TMEM131L: variants seen among roughly 807,000 people sequenced by gnomAD.
TMEM131L encodes the protein transmembrane protein 131-like.
Under a neutral mutation model 192.2 loss-of-function variants are expected in TMEM131L, and 54 were observed. That is an observed-to-expected ratio of 0.28 (90% CI 0.23 to 0.35). The LOEUF (loss-of-function observed/expected upper bound fraction) is 0.35. TMEM131L is among the 10% of genes least tolerant of loss of function. The pLI is 1.00. For missense variants in TMEM131L, 1,888 were observed against 1,972.9 expected (o/e 0.96, Z 0.82); for synonymous variants, 701 against 704.9 (o/e 0.99, Z 0.09).
At chr4:153,557,135 G>GGT (rs1303021287) in intron 6 of TMEM131L, 53 bp downstream of exon 6, 2 of 790,510 alleles carry the variant, frequency 2.5e-6, no homozygotes, top group African/African-American at 1.7e-5. Flanking sequence ...TAACTGTAGG[G>GGT]GTGTGTGTGT....
intron 7 of TMEM131L, among the ~76,000 whole-genome samples, chr4:153,578,217 A>G (rs1348714550): frequency 1.3e-5 from 2 of 152,130 alleles, no homozygotes; most frequent in African/African-American, 2.4e-5. Flanking sequence ...AGAGCTGGGC[A>G]TGGTAGTGCA....
chr4:153,617,458 CT>C (rs1374442426), intron 26 of TMEM131L, among the ~76,000 whole-genome samples: 1 of 152,202 alleles, frequency 6.6e-6, no homozygotes, highest in Non-Finnish European at 1.5e-5. Context: ...GAGAATGCTA[CT>C]TTCATTCTCC....
Position 153,581,307 on chromosome 4 carries a change from C to T in TMEM131L, c.739-100C>T, listed in dbSNP as rs561201299. 6.1e-5 allele frequency: 52 copies of T among 847,434 alleles called. No homozygotes were observed. In the African/African-American group the frequency reaches 6.2e-4, roughly 10 times the overall value. The allele number at this position is 847,434 out of a possible 1,614,324, so 52.5% of individuals were successfully genotyped here. Reference sequence around the variant, plus strand: ...AAACAGCATATTCTGTTCTCACACACGTCCCATTACGTTAAATGCTTCTCC... The same window carrying T: ...AAACAGCATATTCTGTTCTCACACATGTCCCATTACGTTAAATGCTTCTCC... On this transcript the variant is annotated intron_variant, in intron 8 of 34. Transcript: ENST00000409959.
intron 26 of TMEM131L, among the ~76,000 whole-genome samples, chr4:153,614,457 C>T (rs540650942): frequency 2.5e-4 from 38 of 152,192 alleles, no homozygotes; most frequent in Admixed American, 2.0e-3. Context: ...TTTGGCCTGA[C>T]GATTGCTGCT....
chr4:153,634,452 T>A (rs764079747), intron 33 of TMEM131L, 172 bp downstream of exon 33: 16 of 547,310 alleles, frequency 2.9e-5, no homozygotes, highest in Non-Finnish European at 5.2e-5. Context: ...ATGCCATATA[T>A]AATTTTATAT....
chr4:153,482,844 G>C (rs565297841), intron 3 of TMEM131L, among the ~76,000 whole-genome samples: 1 of 152,164 alleles, frequency 6.6e-6, no homozygotes, highest in Non-Finnish European at 1.5e-5. Flanking sequence ...TCTTGTCTCA[G>C]CCTTCTAAAA....
chr4:153,593,428 C>T (rs562026093), intron 18 of TMEM131L, among the ~76,000 whole-genome samples: 11 of 152,240 alleles, frequency 7.2e-5, no homozygotes, highest in African/African-American at 1.7e-4. Context: ...TGTCTCCAGA[C>T]GTAGCCCAGT....
intron 3 of TMEM131L, among the ~76,000 whole-genome samples, chr4:153,485,676 C>G (rs879346099): frequency 6.6e-6 from 1 of 152,006 alleles, no homozygotes. Context: ...AAACAGTGTT[C>G]GATTGGTAGT....
At position 153,635,492 on chromosome 4, in the gene TMEM131L, A is replaced by G. The variant is rs1444173365; in HGVS notation, c.4478A>G (p.Asp1493Gly). 2.5e-6 allele frequency: 4 copies of G among 1,614,012 alleles called. No homozygotes were observed. In the African/African-American group the frequency reaches 4.0e-5, roughly 16 times the overall value. ...GCAGATGTTCAGACAGACTTTATTG[A>G]TCACAACTCTCAGTCTACCTGGAAC... ...CPADVQTDFIDHNSQSTWNTP... is the reference protein window; with the variant it reads ...CPADVQTDFIGHNSQSTWNTP... The change falls in exon 34 of 35, where the codon GAT becomes GGT. Residue 1493 changes from aspartate to glycine, a missense_variant. Asp to Gly is a moderately conservative substitution (Grantham distance 94, BLOSUM62 -1). Transcript: ENST00000409959.
At chr4:153,594,008 C>T (rs910409560) in intron 19 of TMEM131L, 137 bp downstream of exon 19, 19 of 635,786 alleles carry the variant, frequency 3.0e-5, no homozygotes, top group Non-Finnish European at 4.5e-5. Flanking sequence ...TGGGCATTAA[C>T]GATACATAGC....
At chr4:153,550,324 T>G (rs529169298) in intron 4 of TMEM131L, among the ~76,000 whole-genome samples, 183 bp downstream of exon 4, 6 of 152,224 alleles carry the variant, frequency 3.9e-5, no homozygotes, top group South Asian at 2.1e-4. Context: ...TTCAGCCCTT[T>G]CTTTAATTTT....
At chr4:153,609,874 A>G (rs190369067) in intron 25 of TMEM131L, among the ~76,000 whole-genome samples, 4 of 152,074 alleles carry the variant, frequency 2.6e-5, no homozygotes, top group African/African-American at 4.8e-5. Flanking sequence ...ATCCAAAGGG[A>G]TATTCTTCTT....
At chr4:153,607,217 G>A (rs577180584) in intron 25 of TMEM131L, among the ~76,000 whole-genome samples, 3 of 152,260 alleles carry the variant, frequency 2.0e-5, no homozygotes, top group Admixed American at 6.5e-5. Flanking sequence ...AATGATAAAC[G>A]CGTATAATTG....
intron 3 of TMEM131L, among the ~76,000 whole-genome samples, chr4:153,520,391 C>G (rs1359433143): frequency 6.6e-6 from 1 of 152,176 alleles, no homozygotes; most frequent in African/African-American, 2.4e-5. Context: ...GATAGCTGAT[C>G]ACTGGAGGTC....
At chr4:153,518,743 A>G (rs1434883779) in intron 3 of TMEM131L, among the ~76,000 whole-genome samples, 2 of 152,178 alleles carry the variant, frequency 1.3e-5, no homozygotes, top group African/African-American at 2.4e-5. Flanking sequence ...GTAAAAATCA[A>G]TAGCCCGACT....
chr4:153,620,419 T>C (rs1159084119), intron 26 of TMEM131L, among the ~76,000 whole-genome samples: 1 of 152,248 alleles, frequency 6.6e-6, no homozygotes, highest in African/African-American at 2.4e-5. Flanking sequence ...CAGTAATTTA[T>C]GTGAGTTGCA....
intron 26 of TMEM131L, among the ~76,000 whole-genome samples, chr4:153,613,045 G>A (rs937055024): frequency 1.3e-5 from 2 of 152,136 alleles, no homozygotes; most frequent in African/African-American, 4.8e-5. Flanking sequence ...AGGAAACAGT[G>A]GAGCAGTATC....
intron 15 of TMEM131L, 70 bp downstream of exon 15, chr4:153,587,881 G>A (rs1730805157): frequency 2.8e-6 from 3 of 1,066,002 alleles, no homozygotes; most frequent in Admixed American, 1.7e-5. Flanking sequence ...AGGAAAATTA[G>A]CATTTGTCAA....
chr4:153,517,799 C>T (rs917529340), intron 3 of TMEM131L, among the ~76,000 whole-genome samples: 3 of 152,084 alleles, frequency 2.0e-5, no homozygotes, highest in African/African-American at 7.2e-5. Context: ...GATGAAATAC[C>T]TATTTTAGTA....
Sources: gnomAD v4.1 joint callset for allele counts (sites outside exome capture counted in the v4.1 genomes callset) on GRCh38, gnomAD v4.1.1 for gene constraint, MANE v1.5 for transcripts, NCBI Gene and HGNC (gene_info 2026-07-23, HGNC 2026-07-21) for gene names.